Variants in COIL observed in about 807,000 individuals in gnomAD.
The protein encoded by COIL is coilin p80.
A neutral mutation model predicts 51.6 loss-of-function variants in COIL; 28 were observed. The ratio of observed to expected loss-of-function variants is 0.54; its 90% CI spans 0.40 to 0.74. The LOEUF is 0.74. Among genes scored for constraint, COIL ranks in the 30% least tolerant of loss-of-function variants. COIL has a pLI of 0.00. For missense variants in COIL, 667 were observed against 685.9 expected, an observed-to-expected ratio of 0.97 and a Z score of 0.31; for synonymous variants, 233 against 255.8, an observed-to-expected ratio of 0.91 and a Z score of 0.85.
intron 5 of COIL, among the ~76,000 whole-genome samples, chr17:56,943,726 A>G (rs574234702): frequency 5.6e-4 from 85 of 152,210 alleles, no homozygotes; most frequent in Non-Finnish European, 1.1e-3. Context: ...GCAGTACTTC[A>G]TGCACTTACA....
In COIL at chr17:56,950,697, C is replaced by T. The variant is rs1300493053; in HGVS notation, c.545G>A (p.Arg182Lys). The change falls in exon 2 of 7, where the codon AGA (arginine) becomes AAA (lysine). Residue 182 changes from arginine to lysine, a missense_variant. By Grantham distance (26) the Arg-to-Lys change is conservative. Coordinates refer to ENST00000240316, the MANE Select transcript of COIL (RefSeq NM_004645.3). ...TVGDDNEEAK[R>K]KSPKKKEKCE... ...TTTCTCCTTTTTCTTTGGTGATTTT[C>T]TTTTGGCCTCTTCGTTATCATCACC... 5 of 1,610,484 alleles carry T rather than the reference C, an allele frequency of 3.1e-6. No homozygotes were observed. The highest frequency in any genetic ancestry group is 4.2e-6 in the Non-Finnish European group (5 of 1,179,256).
intron 1 of COIL, among the ~76,000 whole-genome samples, chr17:56,956,972 A>G (rs1910495356): frequency 6.6e-6 from 1 of 152,176 alleles, no homozygotes; most frequent in African/African-American, 2.4e-5. Context: ...TTGATTCTTC[A>G]AAAGGGAGTT....
intron 1 of COIL, among the ~76,000 whole-genome samples, chr17:56,959,121 G>A (rs2144407432): frequency 6.6e-6 from 1 of 152,254 alleles, no homozygotes; most frequent in East Asian, 1.9e-4. Context: ...GAGGTGAGAG[G>A]ACAGCTTGAG....
chr17:56,953,650 A>C (rs566816526), intron 1 of COIL, among the ~76,000 whole-genome samples: 2 of 152,320 alleles, frequency 1.3e-5, no homozygotes, highest in East Asian at 1.9e-4. Flanking sequence ...TTGAAAATAA[A>C]GAACAACTGG....
At position 56,950,116 on chromosome 17, in the gene COIL, C is replaced by T. The variant is rs773282297; in HGVS notation, c.1126G>A (p.Gly376Arg). The T allele has an allele frequency of 6.2e-7, 1 of 1,614,128 alleles. No homozygotes were observed. Among genetic ancestry groups the T allele is most frequent in the South Asian group, 1.1e-5 (1 of 91,072 alleles). The part of the protein sequence containing the change: ...GWRRSGSNGG[G>R]QAPGASPSVS... ...CTGGGAGAAGCACCAGGAGCCTGTC[C>T]ACCACCATTTGAGCCAGAACGCCTC... is the stretch of plus-strand genomic sequence containing the variant. The change falls in exon 2 of 7, where the codon GGA becomes AGA. Residue 376 changes from glycine to arginine, a missense_variant. By Grantham distance (125) the Gly-to-Arg change is moderately radical. Coordinates refer to ENST00000240316, the MANE Select transcript of COIL (RefSeq NM_004645.3).
chr17:56,947,128 G>T (rs1910265730), intron 4 of COIL, among the ~76,000 whole-genome samples: 1 of 152,090 alleles, frequency 6.6e-6, no homozygotes, highest in South Asian at 2.1e-4. Context: ...TAGCCTCCGG[G>T]GGTATATACT....
At chr17:56,947,730 C>CA (rs1178657918) in intron 4 of COIL, among the ~76,000 whole-genome samples, 1 of 152,158 alleles carries the variant, frequency 6.6e-6, no homozygotes, top group Non-Finnish European at 1.5e-5. Flanking sequence ...CTTGGCCTCC[C>CA]AAAGTGCTGG....
chr17:56,939,102 G>T lies in COIL; in HGVS notation c.1700C>A (p.Pro567Gln), dbSNP rs781349922. Reference protein sequence around the residue: ...LIDPRLIIESPSNTSSTEPA With the variant: ...LIDPRLIIESQSNTSSTEPA Reference sequence around the variant, plus strand: ...AGGTTCTGTACTTGATGTGTTACTTGGAGATTCAATAATCAGTCTTGGGTC... The same window carrying T: ...AGGTTCTGTACTTGATGTGTTACTTTGAGATTCAATAATCAGTCTTGGGTC... The change falls in exon 7 of 7, where the codon CCA (proline) becomes CAA (glutamine). Residue 567 changes from proline (P) to glutamine (Q), a missense_variant. Transcript: ENST00000240316. 2.5e-6 allele frequency: 4 copies of T among 1,601,954 alleles called. No individual in the cohort carries two copies. Among genetic ancestry groups the T allele is most frequent in the Middle Eastern group, 1.6e-4 (1 of 6,066 alleles).
intron 6 of COIL, among the ~76,000 whole-genome samples, chr17:56,939,510 G>A (rs1043675183): frequency 3.3e-5 from 5 of 152,202 alleles, no homozygotes; most frequent in Non-Finnish European, 7.4e-5. Context: ...AGCACTCTGG[G>A]AGGCCAAGGC....
chr17:56,939,024 C>A lies in COIL; in HGVS notation c.*47G>T. Reference sequence around the variant, plus strand: ...AAAAAAAAAGTTTGGGTTATAGTCACTTTCACAAACAAGACATTCATAAAC... The same window carrying A: ...AAAAAAAAAGTTTGGGTTATAGTCAATTTCACAAACAAGACATTCATAAAC... On this transcript the variant is annotated 3_prime_UTR_variant, in exon 7 of 7. Transcript: ENST00000240316. The A allele has an allele frequency of 9.0e-7, 1 of 1,109,400 alleles. No individual in the cohort carries two copies. Among genetic ancestry groups the A allele is most frequent in the Non-Finnish European group, 1.3e-6 (1 of 752,194 alleles). 68.7% of individuals were successfully genotyped at this position (1,109,400 alleles called of 1,614,324 possible). A position where few individuals can be genotyped will look rare whatever the true frequency, so the allele number is the denominator to read the frequency against.
At position 56,950,753 on chromosome 17, in the gene COIL, C is replaced by A. The variant is rs1339661209; in HGVS notation, c.489G>T (p.Lys163Asn). Residue 163 changes from lysine to asparagine, a missense_variant, in exon 2 of 7, where the codon AAG becomes AAT. Lys to Asn is a moderately conservative substitution (Grantham distance 94, BLOSUM62 0). Transcript: ENST00000240316. ...VTDQTVSKKNKRKNKATCGTV... is the reference protein window; with the variant it reads ...VTDQTVSKKNNRKNKATCGTV... ...TGCCACAGGTTGCTTTATTTTTTCT[C>A]TTGTTTTTTTTGCTGACAGTCTGAT... 6.2e-7 allele frequency: 1 copy of A among 1,613,774 alleles called. No homozygotes were observed. Among genetic ancestry groups the A allele is most frequent in the Middle Eastern group, 1.6e-4 (1 of 6,062 alleles).
At chr17:56,956,286 T>G (rs888746039) in intron 1 of COIL, among the ~76,000 whole-genome samples, 9 of 152,220 alleles carry the variant, frequency 5.9e-5, no homozygotes, top group Non-Finnish European at 1.3e-4. Flanking sequence ...CTGCCCAGTC[T>G]GGAGTGGAGT....
In COIL at chr17:56,939,109, C is replaced by T; in HGVS notation, c.1693G>A (p.Glu565Lys). The T allele has an allele frequency of 6.2e-7, 1 of 1,605,028 alleles. No homozygotes were observed. The highest frequency in any genetic ancestry group is 1.1e-5 in the South Asian group (1 of 90,842). ...KELIDPRLII[E>K]SPSNTSSTEP... Reference sequence around the variant, plus strand: ...GTACTTGATGTGTTACTTGGAGATTCAATAATCAGTCTTGGGTCAATCAAC... The same window carrying T: ...GTACTTGATGTGTTACTTGGAGATTTAATAATCAGTCTTGGGTCAATCAAC... Residue 565 changes from glutamate to lysine, a missense_variant, in exon 7 of 7, where the codon GAA (glutamate) becomes AAA (lysine). By Grantham distance (56) the Glu-to-Lys change is moderately conservative. Coordinates refer to ENST00000240316, the MANE Select transcript of COIL (RefSeq NM_004645.3).
rs1278203665 is a variant in COIL, at chr17:56,938,251, G to A, written c.*820C>T. On this transcript the variant is annotated 3_prime_UTR_variant, in exon 7 of 7. Coordinates refer to ENST00000240316, the MANE Select transcript of COIL (RefSeq NM_004645.3). Reference sequence around the variant, plus strand: ...ATGTGTACAGCTGAAGGAGGGATCTGATCTTTTGTTAAATGAAACCAATTT... The same window carrying A: ...ATGTGTACAGCTGAAGGAGGGATCTAATCTTTTGTTAAATGAAACCAATTT... 6.6e-6 allele frequency: 1 copy of A among 152,204 alleles called. No homozygotes were observed. Among genetic ancestry groups the A allele is most frequent in the Non-Finnish European group, 1.5e-5 (1 of 68,022 alleles). The allele number at this position is 152,204 out of a possible 1,614,324, so 9.4% of individuals were successfully genotyped here.
At chr17:56,948,568 A>G (rs1215803790) in intron 4 of COIL, among the ~76,000 whole-genome samples, 1 of 151,862 alleles carries the variant, frequency 6.6e-6, no homozygotes, top group East Asian at 1.9e-4. Context: ...ATGGTCTTAC[A>G]TTCCATATAG....
chr17:56,941,584 G>A (rs1348623182), intron 6 of COIL, among the ~76,000 whole-genome samples: 2 of 152,120 alleles, frequency 1.3e-5, no homozygotes, highest in African/African-American at 4.8e-5. Flanking sequence ...ACAAAAGTTG[G>A]AACTGTGGTA....
chr17:56,950,835 C>A lies in COIL; in HGVS notation c.407G>T (p.Arg136Leu), dbSNP rs752851765. ...CKYSKKHWKSRENNNNNEKVL... is the reference protein window; with the variant it reads ...CKYSKKHWKSLENNNNNEKVL... ...CTTCTCATTATTGTTATTGTTCTCTCGACTCTTCCAATGCTTCTTTGAATA... is the reference window on the plus strand; with the variant it reads ...CTTCTCATTATTGTTATTGTTCTCTAGACTCTTCCAATGCTTCTTTGAATA... Residue 136 changes from arginine (R) to leucine (L), a missense_variant, in exon 2 of 7, where the codon CGA (arginine) becomes CTA (leucine). Transcript: ENST00000240316. 1 of 1,613,980 alleles carries A rather than the reference C, an allele frequency of 6.2e-7. No individual in the cohort carries two copies. Among genetic ancestry groups the A allele is most frequent in the Admixed American group, 1.7e-5 (1 of 59,996 alleles).
At position 56,950,507 on chromosome 17, in the gene COIL, A is replaced by G. The variant is rs577642743; in HGVS notation, c.735T>C (p.Ser245=). ...CACAAGATTCAGACTCCGAGGAGGA[A>G]CTGGGACTCTCTTTTGAGCAAACGC... The part of the protein sequence containing the change: ...SVSVCSKESP[S]SSSESESCDE... Residue 245 remains serine (S), a synonymous_variant, in exon 2 of 7, where the codon AGT becomes AGC. Transcript: ENST00000240316. 1 of 1,614,216 alleles carries G rather than the reference A, an allele frequency of 6.2e-7. No homozygotes were observed. Among genetic ancestry groups the G allele is most frequent in the Admixed American group, 1.7e-5 (1 of 60,020 alleles).
At chr17:56,957,859 C>T (rs1343897419) in intron 1 of COIL, among the ~76,000 whole-genome samples, 3 of 152,152 alleles carry the variant, frequency 2.0e-5, no homozygotes, top group African/African-American at 4.8e-5. Flanking sequence ...TTTAGGAACT[C>T]GCTGTCAGAA....
Sources: allele counts gnomAD v4.1 joint callset (sites outside exome capture counted in the v4.1 genomes callset), GRCh38; gene constraint gnomAD v4.1.1; transcripts MANE v1.5; gene names NCBI Gene and HGNC (gene_info 2026-07-23, HGNC 2026-07-21).